RHOBTB1: variants seen among roughly 807,000 people sequenced by gnomAD.
RHOBTB1 encodes rho-related BTB domain-containing protein 1.
In RHOBTB1, 40 loss-of-function variants were observed where a neutral mutation model predicts 71.6. That is an observed-to-expected ratio of 0.56 (90% CI 0.43 to 0.73). The LOEUF (loss-of-function observed/expected upper bound fraction) is 0.73, where lower values mean the gene tolerates loss of function less well. Ranked by LOEUF, RHOBTB1 falls within the 30% of genes least tolerant of loss-of-function variation. The pLI is 0.00. For synonymous variants in RHOBTB1, 319 were observed against 334.9 expected (o/e 0.95, Z 0.52); for missense variants, 797 against 894.0 (o/e 0.89, Z 1.38).
chr10:60,932,286 T>G (rs78872599), intron 2 of RHOBTB1, among the ~76,000 whole-genome samples: 2,133 of 151,968 alleles, frequency 0.014, 46 homozygotes, highest in African/African-American at 0.048. Context: ...CAGGCAAACA[T>G]AGAATTCTGT....
chr10:60,970,300 T>G (rs1280176336), intron 2 of RHOBTB1, among the ~76,000 whole-genome samples: 1 of 152,136 alleles, frequency 6.6e-6, no homozygotes, highest in African/African-American at 2.4e-5. Flanking sequence ...GTGATTTGAG[T>G]GGTAGTCACA....
chr10:60,925,631 AT>A (rs904164270), intron 2 of RHOBTB1, among the ~76,000 whole-genome samples: 1 of 152,032 alleles, frequency 6.6e-6, no homozygotes, highest in South Asian at 2.1e-4. Flanking sequence ...AACAAAATGA[AT>A]TTTTTTGACA....
At chr10:60,907,470 A>G (rs973817987) in intron 4 of RHOBTB1, among the ~76,000 whole-genome samples, 1 of 152,174 alleles carries the variant, frequency 6.6e-6, no homozygotes, top group Non-Finnish European at 1.5e-5. Flanking sequence ...TCCAGAAAAG[A>G]GCTTCAAAAG....
intron 6 of RHOBTB1, 79 bp downstream of exon 6, chr10:60,888,132 CT>C (rs2081683089): frequency 6.8e-7 from 1 of 1,479,662 alleles, no homozygotes; most frequent in Non-Finnish European, 9.1e-7. Context: ...TATCGTTCTT[CT>C]TTCTCCTGCT....
chr10:60,947,176 T>C (rs1229585573), upstream of RHOBTB1, among the ~76,000 whole-genome samples: 1 of 152,196 alleles, frequency 6.6e-6, no homozygotes, highest in African/African-American at 2.4e-5. Context: ...TGAGTTTATC[T>C]CTGCTCTTGT....
intron 1 of RHOBTB1, among the ~76,000 whole-genome samples, chr10:60,943,379 G>T (rs1027018398): frequency 1.3e-5 from 2 of 152,142 alleles, no homozygotes; most frequent in Non-Finnish European, 2.9e-5. Flanking sequence ...CCCCTTGGTT[G>T]TTTTCCCCAA....
chr10:60,921,417 A>G (rs1383359619), intron 2 of RHOBTB1, among the ~76,000 whole-genome samples: 1 of 152,254 alleles, frequency 6.6e-6, no homozygotes, highest in Non-Finnish European at 1.5e-5. Flanking sequence ...GATGCGGCCA[A>G]GTACAGATTC....
upstream of RHOBTB1, among the ~76,000 whole-genome samples, chr10:60,947,867 G>C (rs1348098144): frequency 6.6e-6 from 1 of 152,116 alleles, no homozygotes; most frequent in Non-Finnish European, 1.5e-5. Context: ...CAATTGCTAG[G>C]TCATATGCTA....
At chr10:60,889,798 A>G (rs2081824438) in intron 5 of RHOBTB1, among the ~76,000 whole-genome samples, 1 of 152,222 alleles carries the variant, frequency 6.6e-6, no homozygotes, top group South Asian at 2.1e-4. Context: ...GAGTAATTAT[A>G]TCTTGAAGGA....
chr10:60,964,328 G>A (rs1220666078), intron 2 of RHOBTB1, among the ~76,000 whole-genome samples: 1 of 152,046 alleles, frequency 6.6e-6, no homozygotes, highest in Non-Finnish European at 1.5e-5. Context: ...GCTCTCCTGG[G>A]TTTTGGGCCA....
intron 2 of RHOBTB1, 81 bp from the exon 3 acceptor site, chr10:60,911,633 T>C: frequency 8.4e-7 from 1 of 1,191,072 alleles, no homozygotes; most frequent in Non-Finnish European, 1.2e-6. Context: ...TCAGGGAGTT[T>C]TGCCTTCGTC....
upstream of RHOBTB1, among the ~76,000 whole-genome samples, chr10:60,948,831 G>A (rs1310531548): frequency 1.3e-5 from 2 of 152,240 alleles, no homozygotes; most frequent in African/African-American, 4.8e-5. Context: ...AAGAGGAAGA[G>A]GCTGGTGACA....
intron 1 of RHOBTB1, among the ~76,000 whole-genome samples, chr10:60,990,804 T>C (rs1268586873): frequency 6.6e-6 from 1 of 152,228 alleles, no homozygotes; most frequent in Non-Finnish European, 1.5e-5. Context: ...AGCAATCTTA[T>C]CTGCCTCCAG....
intron 2 of RHOBTB1, among the ~76,000 whole-genome samples, chr10:60,929,655 A>G (rs895021238): frequency 2.0e-5 from 3 of 152,198 alleles, no homozygotes; most frequent in Non-Finnish European, 4.4e-5. Flanking sequence ...ATAATCTAGA[A>G]GGTTACAAAA....
At position 60,910,542 on chromosome 10, in the gene RHOBTB1, T is replaced by C. The variant is rs150115106; in HGVS notation, c.296+345A>G. Among the ~76,000 whole-genome samples, 557 of 152,232 alleles carry C rather than the reference T, an allele frequency of 3.7e-3. 1 individual carries two copies. Among genetic ancestry groups the C allele is most frequent in the Non-Finnish European group, 4.9e-3 (336 of 67,996 alleles). ...GAAGTAGGGTGACCAAGTGCCAAAATAACTTAAAACATTCTAACAGAAGGC... is the reference window on the plus strand; with the variant it reads ...GAAGTAGGGTGACCAAGTGCCAAAACAACTTAAAACATTCTAACAGAAGGC... On this transcript the variant is annotated intron_variant, in intron 4 of 10. Coordinates refer to ENST00000337910, the MANE Select transcript of RHOBTB1 (RefSeq NM_014836.5).
At chr10:60,974,544 G>A (rs1430055600) in intron 2 of RHOBTB1, among the ~76,000 whole-genome samples, 1 of 152,038 alleles carries the variant, frequency 6.6e-6, no homozygotes, top group Non-Finnish European at 1.5e-5. Flanking sequence ...CATCCATCGA[G>A]ATTGGGGGGT....
intron 3 of RHOBTB1, 59 bp from the exon 4 acceptor site, chr10:60,911,049 G>C: frequency 7.3e-7 from 1 of 1,370,440 alleles, no homozygotes; most frequent in Non-Finnish European, 1.0e-6. Flanking sequence ...CCCAGGAGAA[G>C]CGTGTTCAAG....
At chr10:60,898,310 T>C (rs1352126897) in intron 4 of RHOBTB1, among the ~76,000 whole-genome samples, 1 of 152,140 alleles carries the variant, frequency 6.6e-6, no homozygotes, top group Non-Finnish European at 1.5e-5. Context: ...GGTAGGTTCT[T>C]TACAGAAACA....
intron 2 of RHOBTB1, among the ~76,000 whole-genome samples, chr10:60,914,193 G>T (rs952272540): frequency 6.6e-6 from 1 of 152,160 alleles, no homozygotes; most frequent in African/African-American, 2.4e-5. Flanking sequence ...AAAAGTTTTG[G>T]GTGTGGAGGG....
Sources: gnomAD v4.1 joint callset for allele counts (sites outside exome capture counted in the v4.1 genomes callset) on GRCh38, gnomAD v4.1.1 for gene constraint, MANE v1.5 for transcripts, NCBI Gene and HGNC (gene_info 2026-07-23, HGNC 2026-07-21) for gene names.